GRIP1: variants seen among roughly 807,000 people sequenced by gnomAD.
GRIP1 encodes glutamate receptor interacting protein 1.
Under a neutral mutation model 129.9 loss-of-function variants are expected in GRIP1, and 45 were observed. That is an observed-to-expected ratio of 0.35 (90% CI 0.27 to 0.44). The LOEUF (loss-of-function observed/expected upper bound fraction) is 0.44. GRIP1 is among the 20% of genes least tolerant of loss of function. GRIP1 has a pLI of 1.00. For synonymous variants in GRIP1, 530 were observed against 520.8 expected, an observed-to-expected ratio of 1.02 and a Z score of -0.24; for missense variants, 1,196 against 1,396.8, an observed-to-expected ratio of 0.86 and a Z score of 2.29.
At chr12:67,032,097 A>G (rs1046486160) in intron 1 of GRIP1, among the ~76,000 whole-genome samples, 2 of 152,152 alleles carry the variant, frequency 1.3e-5, no homozygotes, top group Admixed American at 1.3e-4. Flanking sequence ...CAGACATGGT[A>G]TATTTTCCTT....
chr12:66,363,165 ACACACACATATATG>A (rs2054884053), intron 23 of GRIP1, among the ~76,000 whole-genome samples: 1 of 94,084 alleles, frequency 1.1e-5, no homozygotes, highest in African/African-American at 4.5e-5. Context: ...ACATATATAT[ACACACACATATATG>A]TATATATGTG....
chr12:66,689,415 T>G (rs1331993548), intron 1 of GRIP1, among the ~76,000 whole-genome samples: 1 of 152,208 alleles, frequency 6.6e-6, no homozygotes, highest in East Asian at 1.9e-4. Context: ...ATTGTCATCA[T>G]GATCATCATC....
chr12:66,840,369 A>G (rs1050422764), intron 1 of GRIP1, among the ~76,000 whole-genome samples: 7 of 152,196 alleles, frequency 4.6e-5, no homozygotes, highest in Admixed American at 3.9e-4. Flanking sequence ...CACTAATACA[A>G]TTGTGAAAAC....
intron 1 of GRIP1, among the ~76,000 whole-genome samples, chr12:67,056,189 C>T (rs1034717567): frequency 6.6e-6 from 1 of 152,130 alleles, no homozygotes; most frequent in Non-Finnish European, 1.5e-5. Flanking sequence ...TTTTAAGAAC[C>T]ATTTCATTTT....
At chr12:66,824,119 G>A (rs896871252) in intron 1 of GRIP1, among the ~76,000 whole-genome samples, 3 of 152,144 alleles carry the variant, frequency 2.0e-5, no homozygotes, top group African/African-American at 4.8e-5. Context: ...CCGTGGCAGA[G>A]GTAGCCTGAG....
At position 66,825,650 on chromosome 12, in the gene GRIP1, T is replaced by C. The variant is rs148640246; in HGVS notation, c.59-228723A>G. On this transcript the variant is annotated intron_variant, in intron 1 of 1. Coordinates refer to the GRIP1 transcript ENST00000643019. ...CTTCCAGGATTAAATGAATGTACAG[T>C]GCCTGGCAAGTAATCAGCACCTAAC... 9.5e-3 allele frequency among the ~76,000 whole-genome samples: 1,444 copies of C among 152,312 alleles called. 18 individuals carry two copies. Among genetic ancestry groups the C allele is most frequent in the Non-Finnish European group, 0.016 (1,058 of 68,012 alleles).
At chr12:66,530,722 C>T (rs1056281733) in intron 4 of GRIP1, among the ~76,000 whole-genome samples, 2 of 84,034 alleles carry the variant, frequency 2.4e-5, no homozygotes, top group African/African-American at 1.7e-4. Flanking sequence ...CTATATACAC[C>T]ATTTCTGCAT....
At chr12:66,903,583 G>GCTT (rs1376599666) in intron 1 of GRIP1, among the ~76,000 whole-genome samples, 1 of 152,074 alleles carries the variant, frequency 6.6e-6, no homozygotes, top group African/African-American at 2.4e-5. Context: ...GTATTTCAAG[G>GCTT]CTTCTGTTTG....
intron 1 of GRIP1, among the ~76,000 whole-genome samples, chr12:66,823,340 G>T (rs1819325536): frequency 6.6e-6 from 1 of 152,008 alleles, no homozygotes; most frequent in Non-Finnish European, 1.5e-5. Context: ...TTCTCAAGTT[G>T]CTGCCTTTGT....
intron 1 of GRIP1, among the ~76,000 whole-genome samples, chr12:66,834,221 A>G (rs907668069): frequency 4.0e-5 from 6 of 149,308 alleles, no homozygotes; most frequent in African/African-American, 1.5e-4. Flanking sequence ...ATGTCATTTG[A>G]TCCTCATACA....
chr12:66,461,508 T>G (rs1161741902), intron 9 of GRIP1, among the ~76,000 whole-genome samples: 2 of 152,224 alleles, frequency 1.3e-5, no homozygotes, highest in Non-Finnish European at 2.9e-5. Flanking sequence ...AACGGCACCT[T>G]CCTACAGCTG....
intron 1 of GRIP1, among the ~76,000 whole-genome samples, chr12:66,974,165 C>G (rs533991835): frequency 6.6e-6 from 1 of 151,932 alleles, no homozygotes; most frequent in African/African-American, 2.4e-5. Flanking sequence ...CTCAGGTGAT[C>G]CTCCCACCTC....
chr12:66,817,625 C>T (rs2039245501), intron 1 of GRIP1, among the ~76,000 whole-genome samples: 1 of 152,016 alleles, frequency 6.6e-6, no homozygotes, highest in Admixed American at 6.6e-5. Flanking sequence ...GTCAGGCTGG[C>T]TGGTCTCGAA....
chr12:67,067,640 C>T (rs2043652448), intron 1 of GRIP1, among the ~76,000 whole-genome samples: 1 of 152,198 alleles, frequency 6.6e-6, no homozygotes, highest in East Asian at 1.9e-4. Context: ...GGGATGAATT[C>T]CCTGAGTCAT....
intron 1 of GRIP1, among the ~76,000 whole-genome samples, chr12:66,893,160 G>C (rs2040690094): frequency 6.6e-6 from 1 of 152,004 alleles, no homozygotes; most frequent in African/African-American, 2.4e-5. Flanking sequence ...GAACCATACA[G>C]TATAAAACCT....
intron 1 of GRIP1, among the ~76,000 whole-genome samples, chr12:66,599,473 T>G (rs929103238): frequency 3.3e-5 from 5 of 152,202 alleles, no homozygotes; most frequent in Admixed American, 2.0e-4. Flanking sequence ...CTCTTTATTT[T>G]AAATACCTTA....
At chr12:66,527,297 C>T (rs1592490616) in intron 5 of GRIP1, among the ~76,000 whole-genome samples, 1 of 151,770 alleles carries the variant, frequency 6.6e-6, no homozygotes, top group African/African-American at 2.4e-5. Context: ...CAATGATAGA[C>T]TGGATTAAGA....
At chr12:66,986,806 T>C (rs1021675297) in intron 1 of GRIP1, among the ~76,000 whole-genome samples, 8 of 150,400 alleles carry the variant, frequency 5.3e-5, no homozygotes, top group Admixed American at 1.3e-4. Context: ...TGTGCACATG[T>C]ACCCTAAAAC....
chr12:66,708,948 C>G (rs1241354170), intron 1 of GRIP1, among the ~76,000 whole-genome samples: 2 of 151,484 alleles, frequency 1.3e-5, no homozygotes, highest in Non-Finnish European at 2.9e-5. Context: ...TGTAAGCTAT[C>G]AGATATATTC....
Sources: allele counts gnomAD v4.1 joint callset (sites outside exome capture counted in the v4.1 genomes callset), GRCh38; gene constraint gnomAD v4.1.1; transcripts MANE v1.5; gene names NCBI Gene and HGNC (gene_info 2026-07-23, HGNC 2026-07-21).